Variants in SYN3 observed in about 807,000 individuals in gnomAD.
The protein encoded by SYN3 is synapsin III, also known as synapsin-3.
SYN3 carries 35 observed loss-of-function variants against 65.8 expected under a neutral mutation model. That is an observed-to-expected ratio of 0.53 (90% CI 0.41 to 0.70). The LOEUF is 0.70. Ranked by LOEUF, SYN3 falls within the 30% of genes least tolerant of loss-of-function variation. The pLI is 0.00. For missense variants in SYN3, 680 were observed against 749.0 expected, an observed-to-expected ratio of 0.91 and a Z score of 1.08; for synonymous variants, 270 against 292.9, an observed-to-expected ratio of 0.92 and a Z score of 0.80.
chr22:32,906,356 T>A (rs558259103), intron 4 of SYN3, among the ~76,000 whole-genome samples: 4 of 152,282 alleles, frequency 2.6e-5, no homozygotes, highest in African/African-American at 4.8e-5. Flanking sequence ...ATAGTTCTAA[T>A]GCTCACCAGG....
chr22:32,741,347 ATTTTTTTTTT>A (rs71187210), intron 6 of SYN3, among the ~76,000 whole-genome samples: 5 of 98,650 alleles, frequency 5.1e-5, no homozygotes, highest in East Asian at 3.7e-4. Flanking sequence ...CTAGAGCCCA[ATTTTTTTTTT>A]TTTTTTTTTT....
chr22:32,535,711 T>C (rs370823113), intron 9 of SYN3, among the ~76,000 whole-genome samples: 6 of 151,266 alleles, frequency 4.0e-5, no homozygotes, highest in Middle Eastern at 3.2e-3. Context: ...CTACGCCCCA[T>C]AGGGCACAGG....
At chr22:32,736,449 G>T (rs964497203) in intron 6 of SYN3, among the ~76,000 whole-genome samples, 10 of 152,180 alleles carry the variant, frequency 6.6e-5, no homozygotes, top group Non-Finnish European at 1.0e-4. Flanking sequence ...ATAGTGTAGA[G>T]TACTTACCCC....
intron 4 of SYN3, among the ~76,000 whole-genome samples, chr22:32,884,600 C>T (rs2049238276): frequency 6.6e-6 from 1 of 152,168 alleles, no homozygotes; most frequent in African/African-American, 2.4e-5. Context: ...CATTTCGTGG[C>T]CGGGTGCGGT....
At chr22:32,725,547 G>A (rs140785282) in intron 6 of SYN3, among the ~76,000 whole-genome samples, 118 of 152,316 alleles carry the variant, frequency 7.7e-4, no homozygotes, top group African/African-American at 2.5e-3. Flanking sequence ...CATTCTACGC[G>A]TGGGCTGATG....
At chr22:32,663,882 G>C (rs1048551603) in intron 6 of SYN3, among the ~76,000 whole-genome samples, 1 of 152,106 alleles carries the variant, frequency 6.6e-6, no homozygotes, top group African/African-American at 2.4e-5. Flanking sequence ...TCAAGAGAGA[G>C]ATAGTGGAAG....
At chr22:32,963,778 A>C (rs1212926487) in intron 3 of SYN3, among the ~76,000 whole-genome samples, 1 of 152,148 alleles carries the variant, frequency 6.6e-6, no homozygotes. Context: ...TTCATCCCAT[A>C]GACATTGAGG....
At chr22:32,742,463 G>A (rs1050020754) in intron 6 of SYN3, among the ~76,000 whole-genome samples, 1 of 152,132 alleles carries the variant, frequency 6.6e-6, no homozygotes, top group African/African-American at 2.4e-5. Context: ...TGGCTTGGCA[G>A]TGGAGGCAAG....
At chr22:32,908,886 A>G (rs1280409490) in intron 4 of SYN3, among the ~76,000 whole-genome samples, 1 of 152,014 alleles carries the variant, frequency 6.6e-6, no homozygotes, top group Non-Finnish European at 1.5e-5. Context: ...AGACATCCTA[A>G]AAAACCCTAA....
At chr22:32,911,233 A>G (rs2050043359) in intron 4 of SYN3, among the ~76,000 whole-genome samples, 1 of 152,188 alleles carries the variant, frequency 6.6e-6, no homozygotes, top group Non-Finnish European at 1.5e-5. Context: ...GAGCCCAGGG[A>G]TATCCAATGT....
intron 6 of SYN3, among the ~76,000 whole-genome samples, chr22:32,616,158 G>A (rs574835545): frequency 2.5e-4 from 38 of 152,304 alleles, no homozygotes; most frequent in Non-Finnish European, 4.9e-4. Context: ...CCCCAGGGAA[G>A]GGTGCAGAGT....
chr22:33,051,332 T>C (rs1246088705), intron 1 of SYN3, among the ~76,000 whole-genome samples: 2 of 152,170 alleles, frequency 1.3e-5, no homozygotes, highest in African/African-American at 4.8e-5. Flanking sequence ...CCGCAAGAGA[T>C]AGCCAGGATC....
At chr22:32,571,588 T>G (rs979254963) in intron 7 of SYN3, among the ~76,000 whole-genome samples, 2 of 152,196 alleles carry the variant, frequency 1.3e-5, no homozygotes, top group Non-Finnish European at 2.9e-5. Flanking sequence ...ATGGCGATGG[T>G]ACCTTAATAC....
intron 6 of SYN3, among the ~76,000 whole-genome samples, chr22:32,616,160 G>C (rs914255866): frequency 1.3e-5 from 2 of 152,166 alleles, no homozygotes; most frequent in African/African-American, 4.8e-5. Context: ...CCAGGGAAGG[G>C]TGCAGAGTTC....
intron 7 of SYN3, among the ~76,000 whole-genome samples, chr22:32,572,328 C>T (rs375008349): frequency 0.048 from 5,652 of 117,920 alleles, 182 homozygotes; most frequent in Non-Finnish European, 0.065. Flanking sequence ...CCCTTCCTTC[C>T]GTCCCTCCCT....
intron 3 of SYN3, among the ~76,000 whole-genome samples, chr22:32,945,958 A>G (rs2146790572): frequency 6.6e-6 from 1 of 152,316 alleles, no homozygotes; most frequent in African/African-American, 2.4e-5. Context: ...CCATCACTGG[A>G]CGTCAGAGAA....
chr22:32,544,336 T>G (rs1454400339), intron 7 of SYN3, among the ~76,000 whole-genome samples: 2 of 152,234 alleles, frequency 1.3e-5, no homozygotes, highest in Non-Finnish European at 2.9e-5. Context: ...TGGATTAACG[T>G]GATCAAGGAT....
chr22:32,872,858 T>C (rs1183553956), intron 4 of SYN3, among the ~76,000 whole-genome samples: 6 of 150,980 alleles, frequency 4.0e-5, no homozygotes, highest in Non-Finnish European at 7.4e-5. Flanking sequence ...AGGTTGGAGA[T>C]CCCAAGATGA....
intron 6 of SYN3, among the ~76,000 whole-genome samples, chr22:32,695,663 C>A (rs1364619823): frequency 6.6e-6 from 1 of 152,190 alleles, no homozygotes; most frequent in Admixed American, 6.5e-5. Flanking sequence ...CTGCTGCTCC[C>A]TTTCTCTTCC....
Sources: gnomAD v4.1 joint callset for allele counts (sites outside exome capture counted in the v4.1 genomes callset) on GRCh38, gnomAD v4.1.1 for gene constraint, MANE v1.5 for transcripts, NCBI Gene and HGNC (gene_info 2026-07-23, HGNC 2026-07-21) for gene names.